The following BRINP2 variants were observed in gnomAD, a reference collection of about 807,000 sequenced individuals.
The protein encoded by BRINP2 is BMP/retinoic acid-inducible neural-specific protein 2.
In BRINP2, 21 loss-of-function variants were observed where a neutral mutation model predicts 69.2. That is an observed-to-expected ratio of 0.30 (90% CI 0.22 to 0.44). The LOEUF (loss-of-function observed/expected upper bound fraction) is 0.44. BRINP2 is among the 20% of genes least tolerant of loss of function. BRINP2 has a pLI of 1.00. For synonymous variants in BRINP2, 380 were observed against 394.1 expected, an observed-to-expected ratio of 0.96 and a Z score of 0.42; for missense variants, 877 against 986.0, an observed-to-expected ratio of 0.89 and a Z score of 1.48.
At chr1:177,249,683 A>G (rs1650519506) in intron 2 of BRINP2, among the ~76,000 whole-genome samples, 1 of 152,212 alleles carries the variant, frequency 6.6e-6, no homozygotes, top group South Asian at 2.1e-4. Context: ...CTTAGTTTAA[A>G]AAAAAGAGCC....
chr1:177,190,432 G>A (rs1648553364), intron 1 of BRINP2, among the ~76,000 whole-genome samples: 1 of 152,096 alleles, frequency 6.6e-6, no homozygotes, highest in African/African-American at 2.4e-5. Context: ...TTCTGCTTAT[G>A]TCGCACTTCT....
intron 1 of BRINP2, among the ~76,000 whole-genome samples, chr1:177,177,935 C>T (rs1369900463): frequency 2.0e-5 from 3 of 152,194 alleles, no homozygotes; most frequent in Admixed American, 6.5e-5. Flanking sequence ...ATTCACATCC[C>T]AAGCTATTCC....
intron 1 of BRINP2, among the ~76,000 whole-genome samples, chr1:177,183,195 A>C: frequency 7.7e-6 from 1 of 130,308 alleles, no homozygotes. Flanking sequence ...GATGTATCTC[A>C]CAAATGCAGT....
At chr1:177,258,609 C>A (rs781328255) in intron 4 of BRINP2, among the ~76,000 whole-genome samples, 2 of 152,152 alleles carry the variant, frequency 1.3e-5, no homozygotes, top group African/African-American at 4.8e-5. Flanking sequence ...TTTATGGCAA[C>A]GCTGTGTCAA....
At chr1:177,202,232 G>C (rs986178300) in intron 1 of BRINP2, among the ~76,000 whole-genome samples, 29 of 151,960 alleles carry the variant, frequency 1.9e-4, no homozygotes, top group Admixed American at 8.5e-4. Flanking sequence ...GTTATTTCTT[G>C]CCTTCTGCTA....
intron 1 of BRINP2, among the ~76,000 whole-genome samples, chr1:177,207,735 CA>C (rs1381508862): frequency 2.0e-5 from 3 of 152,172 alleles, no homozygotes. Context: ...ACATTGGTTA[CA>C]GTTTCTCTCT....
rs905529724 is a variant in BRINP2, at chr1:177,254,378, G to A, written c.270-1541G>A. ...TGCACCTAAACACATAAGCACACAT[G>A]CACACACACACACACACACACACAC... On this transcript the variant is annotated intron_variant, in intron 2 of 7. Coordinates refer to ENST00000361539, the MANE Select transcript of BRINP2 (RefSeq NM_021165.4). 1.3e-3 allele frequency among the ~76,000 whole-genome samples: 190 copies of A among 144,020 alleles called. 2 individuals carry two copies. Among genetic ancestry groups the A allele is most frequent in the Middle Eastern group, 7.1e-3 (2 of 282 alleles). The allele number at this position is 144,020 out of a possible 152,430, so 94.5% of individuals were successfully genotyped here.
Position 177,281,698 on chromosome 1 carries a change from CTGCG to C in BRINP2, c.*179_*182del. On this transcript the variant is annotated 3_prime_UTR_variant, in exon 8 of 8. Coordinates refer to ENST00000361539, the MANE Select transcript of BRINP2 (RefSeq NM_021165.4). ...GAAGCAGGCGAGAGAGAAACAGCTACTGCGTGCGTGCGCGCACGCATACACACAC... is the reference window on the plus strand; with the variant it reads ...GAAGCAGGCGAGAGAGAAACAGCTACTGCGTGCGCGCACGCATACACACAC... 6.1e-6 allele frequency: 5 copies of C among 814,446 alleles called. No homozygotes were observed. The highest frequency in any genetic ancestry group is 9.5e-6 in the Non-Finnish European group (5 of 528,718). The allele number at this position is 814,446 out of a possible 1,614,324, so 50.5% of individuals were successfully genotyped here.
intron 4 of BRINP2, among the ~76,000 whole-genome samples, chr1:177,264,497 A>G (rs1651059546): frequency 6.6e-6 from 1 of 152,234 alleles, no homozygotes; most frequent in East Asian, 1.9e-4. Context: ...ATATTCAAAT[A>G]GGAAGAGAGG....
At chr1:177,258,524 A>G (rs756831563) in intron 4 of BRINP2, among the ~76,000 whole-genome samples, 2 of 152,164 alleles carry the variant, frequency 1.3e-5, no homozygotes. Context: ...TCATTTTGTT[A>G]TGGTTTGCTT....
intron 2 of BRINP2, among the ~76,000 whole-genome samples, chr1:177,251,463 G>A (rs762117192): frequency 1.3e-5 from 2 of 152,176 alleles, no homozygotes; most frequent in Non-Finnish European, 2.9e-5. Flanking sequence ...TATAGAAACA[G>A]CAGTATGATA....
chr1:177,274,788 G>A (rs905562464), intron 5 of BRINP2, among the ~76,000 whole-genome samples: 1 of 152,218 alleles, frequency 6.6e-6, no homozygotes, highest in African/African-American at 2.4e-5. Context: ...TGTGGATTGG[G>A]TGTGTGAGGG....
At chr1:177,179,920 C>T (rs911228068) in intron 1 of BRINP2, among the ~76,000 whole-genome samples, 1 of 152,108 alleles carries the variant, frequency 6.6e-6, no homozygotes, top group Non-Finnish European at 1.5e-5. Context: ...ACACACACAT[C>T]TATACACACA....
At position 177,183,105 on chromosome 1, in the gene BRINP2, A is replaced by G. The variant is rs1354145475; in HGVS notation, c.-77+11373A>G. Among the ~76,000 whole-genome samples, 8 of 133,612 alleles carry G rather than the reference A, an allele frequency of 6.0e-5. 1 individual carries two copies. Among genetic ancestry groups the G allele is most frequent in the African/African-American group, 2.3e-4 (8 of 35,486 alleles). 87.7% of individuals were successfully genotyped at this position (133,612 alleles called of 152,430 possible). A position where few individuals can be genotyped will look rare whatever the true frequency, so the allele number is the denominator to read the frequency against. ...GGCATGGTTGGTTTGGTAATGAACT[A>G]GATTTCTTTCCAGGTGATGGCAGTG... On this transcript the variant is annotated intron_variant, in intron 1 of 7. Coordinates refer to ENST00000361539, the MANE Select transcript of BRINP2 (RefSeq NM_021165.4).
In BRINP2 at chr1:177,257,235, A is replaced by G; in HGVS notation, c.520A>G (p.Thr174Ala). ...GAAACTGGGAAGAAAGACAGAGACA[A>G]CAGGAGGTGCCTCTATAATCGGGGG... is the stretch of plus-strand genomic sequence containing the variant. ...KQKLGRKTET[T>A]GGASIIGGSG... The change falls in exon 4 of 8, where the codon ACA becomes GCA. Residue 174 changes from threonine (T) to alanine (A), a missense_variant. Coordinates refer to ENST00000361539, the MANE Select transcript of BRINP2 (RefSeq NM_021165.4). 1 of 1,614,136 alleles carries G rather than the reference A, an allele frequency of 6.2e-7. No individual in the cohort carries two copies. The highest frequency in any genetic ancestry group is 8.5e-7 in the Non-Finnish European group (1 of 1,180,026).
intron 1 of BRINP2, among the ~76,000 whole-genome samples, chr1:177,196,999 T>TA (rs1425282682): frequency 6.6e-6 from 1 of 152,112 alleles, no homozygotes; most frequent in African/African-American, 2.4e-5. Context: ...TGTCTAGAGA[T>TA]AGAGTCTTTA....
intron 4 of BRINP2, among the ~76,000 whole-genome samples, chr1:177,271,209 G>A (rs1651315212): frequency 6.6e-6 from 1 of 152,182 alleles, no homozygotes; most frequent in Non-Finnish European, 1.5e-5. Context: ...ATCCTTGCAG[G>A]TGACTGTATG....
chr1:177,173,325 A>G (rs564224790), intron 1 of BRINP2, among the ~76,000 whole-genome samples: 10 of 152,236 alleles, frequency 6.6e-5, no homozygotes, highest in Non-Finnish European at 1.5e-4. Context: ...GAGCATGTAT[A>G]TTGTGAAATA....
intron 1 of BRINP2, among the ~76,000 whole-genome samples, chr1:177,217,354 A>G (rs1180911401): frequency 6.6e-6 from 1 of 152,198 alleles, no homozygotes; most frequent in Non-Finnish European, 1.5e-5. Flanking sequence ...CCATTTAAAA[A>G]AAAAGTTTCT....
Sources: gnomAD v4.1 joint callset for allele counts (sites outside exome capture counted in the v4.1 genomes callset) on GRCh38, gnomAD v4.1.1 for gene constraint, MANE v1.5 for transcripts, NCBI Gene and HGNC (gene_info 2026-07-23, HGNC 2026-07-21) for gene names.